SV2C: variants seen among roughly 807,000 people sequenced by gnomAD.
The protein encoded by SV2C is synaptic vesicle glycoprotein 2C, also known as solute carrier family 22 member B3.
SV2C carries 49 observed loss-of-function variants against 79.7 expected under a neutral mutation model. The observed-to-expected ratio is 0.61, with a 90% confidence interval of 0.49 to 0.78. SV2C has a LOEUF of 0.78. Among genes scored for constraint, SV2C ranks in the 30% least tolerant of loss-of-function variants. SV2C has a pLI of 0.00. For missense variants in SV2C, 833 were observed against 912.9 expected, an observed-to-expected ratio of 0.91 and a Z score of 1.13; for synonymous variants, 334 against 333.2, an observed-to-expected ratio of 1.00 and a Z score of -0.03.
the SV2C span, among the ~76,000 whole-genome samples, chr5:75,946,284 A>G: frequency 6.6e-6 from 1 of 152,124 alleles, no homozygotes; most frequent in Non-Finnish European, 1.5e-5. Flanking sequence ...GTTTTTGCAT[A>G]TGAATATCCA....
At chr5:76,265,283 A>T (rs1226974870) in intron 4 of SV2C, among the ~76,000 whole-genome samples, 2 of 152,128 alleles carry the variant, frequency 1.3e-5, no homozygotes, top group African/African-American at 4.8e-5. Flanking sequence ...AGCCTTAGTA[A>T]TGGCGGACGC....
At chr5:76,201,744 T>A (rs1381439424) in intron 3 of SV2C, among the ~76,000 whole-genome samples, 1 of 152,016 alleles carries the variant, frequency 6.6e-6, no homozygotes, top group Non-Finnish European at 1.5e-5. Context: ...AGAGGCCGGG[T>A]ACGGTGGCTC....
At chr5:76,048,885 AAGG>A in the SV2C span, among the ~76,000 whole-genome samples, 6 of 141,348 alleles carry the variant, frequency 4.2e-5, no homozygotes, top group Admixed American at 4.4e-4. Flanking sequence ...GAGAGGAAGG[AAGG>A]AAGGAGAGAG....
chr5:76,039,622 G>T, the SV2C span, among the ~76,000 whole-genome samples: 3 of 152,010 alleles, frequency 2.0e-5, no homozygotes, highest in African/African-American at 7.2e-5. Flanking sequence ...CGGGCATGGT[G>T]GTAGGCACCT....
At chr5:76,106,543 G>A (rs1747925333) in intron 1 of SV2C, among the ~76,000 whole-genome samples, 1 of 152,088 alleles carries the variant, frequency 6.6e-6, no homozygotes, top group Non-Finnish European at 1.5e-5. Context: ...TTACATTTCT[G>A]GGCTCATCTT....
At chr5:76,236,288 GC>G (rs57219914) in intron 4 of SV2C, among the ~76,000 whole-genome samples, 17,882 of 152,128 alleles carry the variant, frequency 0.12, 3,060 homozygotes, top group African/African-American at 0.38. Context: ...AATACACTAG[GC>G]CTGGGCATGG....
At chr5:76,240,654 C>T (rs76083088) in intron 4 of SV2C, among the ~76,000 whole-genome samples, 6,215 of 152,210 alleles carry the variant, frequency 0.041, 322 homozygotes, top group African/African-American at 0.12. Context: ...ATATGCTTTT[C>T]CTCCTTTCCT....
At chr5:76,216,169 G>A (rs1444760071) in intron 4 of SV2C, among the ~76,000 whole-genome samples, 1 of 152,184 alleles carries the variant, frequency 6.6e-6, no homozygotes, top group Non-Finnish European at 1.5e-5. Flanking sequence ...CCTAGCTTTT[G>A]TACCAGTGTG....
At chr5:75,941,477 A>G in the SV2C span, among the ~76,000 whole-genome samples, 3 of 152,210 alleles carry the variant, frequency 2.0e-5, no homozygotes, top group African/African-American at 7.2e-5. Flanking sequence ...GGATGTACAA[A>G]AAAATCCCCC....
chr5:76,086,988 A>G (rs1022457964), intron 1 of SV2C, among the ~76,000 whole-genome samples: 4 of 152,184 alleles, frequency 2.6e-5, no homozygotes, highest in Non-Finnish European at 5.9e-5. Context: ...GGTCCTTTCT[A>G]GTTCTAGTAT....
chr5:76,213,317 A>G (rs1236185318), intron 4 of SV2C, among the ~76,000 whole-genome samples: 1 of 152,224 alleles, frequency 6.6e-6, no homozygotes, highest in African/African-American at 2.4e-5. Context: ...TTTAATTTTT[A>G]AAATCCTGTG....
At chr5:75,905,025 TA>T in the SV2C span, among the ~76,000 whole-genome samples, 8 of 152,182 alleles carry the variant, frequency 5.3e-5, no homozygotes, top group African/African-American at 1.9e-4. Context: ...TAACTGGAGG[TA>T]AAAATGACCG....
chr5:76,142,458 T>C (rs530299822), intron 2 of SV2C, among the ~76,000 whole-genome samples: 1 of 152,336 alleles, frequency 6.6e-6, no homozygotes, highest in East Asian at 1.9e-4. Context: ...TCATCTTTGC[T>C]AACTTCACAT....
At chr5:76,248,350 T>A (rs1015341870) in intron 4 of SV2C, among the ~76,000 whole-genome samples, 7 of 152,210 alleles carry the variant, frequency 4.6e-5, no homozygotes, top group Non-Finnish European at 1.0e-4. Flanking sequence ...GGCTTTTAGA[T>A]GGTTGCCTTC....
At chr5:76,024,397 C>T in the SV2C span, among the ~76,000 whole-genome samples, 1 of 152,128 alleles carries the variant, frequency 6.6e-6, no homozygotes, top group Non-Finnish European at 1.5e-5. Flanking sequence ...ATTTTCCTGA[C>T]CGTTTGTGAA....
the SV2C span, among the ~76,000 whole-genome samples, chr5:75,882,697 A>G: frequency 6.6e-6 from 1 of 152,118 alleles, no homozygotes; most frequent in Non-Finnish European, 1.5e-5. Context: ...GGCTAGCCAT[A>G]TGTAGAAAGC....
chr5:75,972,972 A>G, the SV2C span, among the ~76,000 whole-genome samples: 33 of 152,228 alleles, frequency 2.2e-4, no homozygotes, highest in Admixed American at 1.4e-3. Flanking sequence ...TATGGCACCT[A>G]TATACCATGG....
chr5:76,216,037 G>A (rs142877861), intron 4 of SV2C, among the ~76,000 whole-genome samples: 8 of 149,998 alleles, frequency 5.3e-5, no homozygotes, highest in African/African-American at 1.9e-4. Context: ...AAATCTGGAA[G>A]GATTCTTGTG....
At chr5:76,075,200 C>G in the SV2C span, among the ~76,000 whole-genome samples, 380 of 152,268 alleles carry the variant, frequency 2.5e-3, 4 homozygotes, top group East Asian at 5.6e-3. Context: ...TTGCAAAGTT[C>G]TATATGTCAC....
Sources: gnomAD v4.1 joint callset for allele counts (sites outside exome capture counted in the v4.1 genomes callset) on GRCh38, gnomAD v4.1.1 for gene constraint, MANE v1.5 for transcripts, NCBI Gene and HGNC (gene_info 2026-07-23, HGNC 2026-07-21) for gene names.